The following ESR1 variants were observed in gnomAD, a reference collection of about 807,000 sequenced individuals.
The protein encoded by ESR1 is estrogen receptor.
ESR1 carries 12 observed loss-of-function variants against 52.7 expected under a neutral mutation model. That is an observed-to-expected ratio of 0.23 (90% CI 0.15 to 0.37). ESR1 has a LOEUF of 0.37. Ranked by LOEUF, ESR1 falls within the 10% of genes least tolerant of loss-of-function variation. The pLI, the probability that ESR1 is intolerant of heterozygous loss-of-function variation, is 1.00. For synonymous variants in ESR1, 305 were observed against 316.8 expected (o/e 0.96, Z 0.39); for missense variants, 584 against 779.7 (o/e 0.75, Z 2.99).
intron 3 of ESR1, among the ~76,000 whole-genome samples, chr6:151,910,288 G>A (rs1015765442): frequency 3.9e-5 from 6 of 151,920 alleles, no homozygotes; most frequent in Non-Finnish European, 8.8e-5. Context: ...TGTGGCTGGT[G>A]GTTACTGGAT....
chr6:151,925,758 C>G (rs2032623856), intron 3 of ESR1, among the ~76,000 whole-genome samples: 1 of 151,556 alleles, frequency 6.6e-6, no homozygotes, highest in Admixed American at 6.6e-5. Context: ...TGTGGCTTAT[C>G]TTTTCACTCT....
chr6:152,012,058 T>A (rs1433015537), intron 5 of ESR1, among the ~76,000 whole-genome samples: 20 of 138,556 alleles, frequency 1.4e-4, no homozygotes, highest in African/African-American at 3.5e-4. Flanking sequence ...TCACACTCTC[T>A]CTCTCTCTCT....
chr6:151,753,467 G>A (rs1049222893), intron 2 of ESR1, among the ~76,000 whole-genome samples: 3 of 152,086 alleles, frequency 2.0e-5, no homozygotes, highest in Non-Finnish European at 4.4e-5. Context: ...ACAGGTGCAT[G>A]CCACCACTCC....
At chr6:151,748,410 G>T (rs1354102277) in intron 2 of ESR1, among the ~76,000 whole-genome samples, 1 of 152,128 alleles carries the variant, frequency 6.6e-6, no homozygotes, top group Non-Finnish European at 1.5e-5. Flanking sequence ...CTATAGAACA[G>T]GTTGACCTGC....
At chr6:151,885,509 G>C (rs1439532680) in intron 3 of ESR1, among the ~76,000 whole-genome samples, 1 of 152,194 alleles carries the variant, frequency 6.6e-6, no homozygotes, top group Non-Finnish European at 1.5e-5. Flanking sequence ...CAAACTTGCT[G>C]AACAACCTTG....
At chr6:151,923,067 G>T (rs1405615595) in intron 3 of ESR1, among the ~76,000 whole-genome samples, 1 of 152,210 alleles carries the variant, frequency 6.6e-6, no homozygotes, top group Admixed American at 6.5e-5. Context: ...TTTCAGAATT[G>T]TTAATCTGTA....
chr6:151,868,177 G>A (rs1414076336), intron 2 of ESR1, among the ~76,000 whole-genome samples: 1 of 152,054 alleles, frequency 6.6e-6, no homozygotes, highest in Non-Finnish European at 1.5e-5. Flanking sequence ...ACCCAGGCTA[G>A]AGTGCAATGG....
intron 4 of ESR1, among the ~76,000 whole-genome samples, chr6:151,963,586 T>G (rs913897368): frequency 2.0e-5 from 3 of 152,250 alleles, no homozygotes; most frequent in Non-Finnish European, 4.4e-5. Context: ...ATTAACCCCT[T>G]ATTAGATTTA....
intron 1 of ESR1, among the ~76,000 whole-genome samples, chr6:151,693,806 C>T (rs1196076445): frequency 3.9e-5 from 6 of 152,120 alleles, no homozygotes; most frequent in East Asian, 1.9e-4. Context: ...TTAGTAGAGA[C>T]GGGGTTTTAC....
chr6:152,039,888 C>T (rs1430485041), intron 5 of ESR1, among the ~76,000 whole-genome samples: 1 of 152,204 alleles, frequency 6.6e-6, no homozygotes, highest in Non-Finnish European at 1.5e-5. Context: ...CACTGCTGCA[C>T]TTCTTTAGCC....
intron 4 of ESR1, among the ~76,000 whole-genome samples, chr6:151,991,154 A>G (rs1473759342): frequency 1.3e-5 from 2 of 152,166 alleles, no homozygotes; most frequent in Non-Finnish European, 2.9e-5. Flanking sequence ...ACAGACAGTA[A>G]GTTAATTTCC....
chr6:151,753,543 C>A (rs1255824444), intron 2 of ESR1, among the ~76,000 whole-genome samples: 1 of 152,130 alleles, frequency 6.6e-6, no homozygotes, highest in Non-Finnish European at 1.5e-5. Flanking sequence ...GTCTCAAACT[C>A]CTGGCCTCAA....
intron 2 of ESR1, among the ~76,000 whole-genome samples, chr6:151,770,746 A>AT (rs955336834): frequency 1.3e-5 from 2 of 151,392 alleles, no homozygotes; most frequent in South Asian, 2.1e-4. Flanking sequence ...GACTGAGTCA[A>AT]TTTTTTTTTC....
rs777985131 is a variant in ESR1, at chr6:152,122,460, G to T, written c.851-2806G>T. 1 of 1,614,168 alleles carries T rather than the reference G, an allele frequency of 6.2e-7. No homozygotes were observed. Among genetic ancestry groups the T allele is most frequent in the Non-Finnish European group, 8.5e-7 (1 of 1,180,030 alleles). On this transcript the variant is annotated intron_variant, in intron 6 of 6. Transcript: ENST00000427531. ...TTCAGAGTGGAGGAGGGCCATTCGT[G>T]TATCTGAGCATGGGGTGGAATGACC...
chr6:152,000,256 T>C (rs1208861257), intron 4 of ESR1, among the ~76,000 whole-genome samples: 1 of 152,020 alleles, frequency 6.6e-6, no homozygotes. Context: ...GAGCATACAC[T>C]AAGAGAAGGC....
intron 2 of ESR1, among the ~76,000 whole-genome samples, chr6:151,868,079 A>G (rs978792501): frequency 3.5e-4 from 16 of 46,120 alleles, no homozygotes; most frequent in African/African-American, 2.6e-3. Context: ...ATAGTACCCA[A>G]TGATAGTTTT....
intron 6 of ESR1, among the ~76,000 whole-genome samples, chr6:152,082,976 A>G (rs2049358845): frequency 6.6e-6 from 1 of 152,236 alleles, no homozygotes; most frequent in African/African-American, 2.4e-5. Context: ...ACACAAACAA[A>G]TGGAAGAACA....
chr6:151,721,022 A>G, intron 2 of ESR1, among the ~76,000 whole-genome samples: 1 of 152,254 alleles, frequency 6.6e-6, no homozygotes, highest in East Asian at 1.9e-4. Flanking sequence ...CTTACAGTAC[A>G]GTGAGAGACA....
Position 152,102,158 on chromosome 6 carries a change from A to G in ESR1, c.*3192A>G. 4.8e-6 allele frequency: 1 copy of G among 209,876 alleles called. No individual in the cohort carries two copies. Among genetic ancestry groups the G allele is most frequent in the East Asian group, 7.2e-5 (1 of 13,926 alleles). 13.0% of individuals were successfully genotyped at this position (209,876 alleles called of 1,614,324 possible). A position where few individuals can be genotyped will look rare whatever the true frequency, so the allele number is the denominator to read the frequency against. ...CCTTGCAGATATGTTTAACCAAGCC[A>G]TAGCCCATGCCTTTTGAGGGCTGAA... On this transcript the variant is annotated 3_prime_UTR_variant, in exon 8 of 8. Transcript: ENST00000206249.
Sources: allele counts gnomAD v4.1 joint callset (sites outside exome capture counted in the v4.1 genomes callset), GRCh38; gene constraint gnomAD v4.1.1; transcripts MANE v1.5; gene names NCBI Gene and HGNC (gene_info 2026-07-23, HGNC 2026-07-21).